The following RAD52 variants were observed in gnomAD, a reference collection of about 807,000 sequenced individuals.
RAD52 encodes the protein RAD52 DNA repair protein.
Under a neutral mutation model 55.5 loss-of-function variants are expected in RAD52, and 47 were observed. The observed-to-expected ratio is 0.85, with a 90% CI of 0.67 to 1.08. The LOEUF (loss-of-function observed/expected upper bound fraction) is 1.08. Among genes scored for constraint, RAD52 ranks in the 50% least tolerant of loss-of-function variants. The pLI, the probability that RAD52 is intolerant of heterozygous loss-of-function variation, is 0.00. For missense variants in RAD52, 468 were observed against 522.8 expected, an observed-to-expected ratio of 0.90 and a Z score of 1.02; for synonymous variants, 184 against 198.9, an observed-to-expected ratio of 0.92 and a Z score of 0.63.
chr12:945,674 G>T (rs1272133354), intron 1 of RAD52, among the ~76,000 whole-genome samples: 1 of 150,762 alleles, frequency 6.6e-6, no homozygotes, highest in Non-Finnish European at 1.5e-5. Context: ...GACCTCAGGT[G>T]ATCTGCCCAC....
At chr12:959,894 C>T (rs905215228) in intron 1 of RAD52, among the ~76,000 whole-genome samples, 5 of 152,152 alleles carry the variant, frequency 3.3e-5, no homozygotes, top group African/African-American at 1.2e-4. Context: ...ACCCATGGCC[C>T]TGAAGCTGTT....
At chr12:960,304 T>C (rs1402637549) in intron 1 of RAD52, among the ~76,000 whole-genome samples, 6 of 152,126 alleles carry the variant, frequency 3.9e-5, no homozygotes, top group African/African-American at 1.4e-4. Flanking sequence ...AGAGAATCTA[T>C]AGAGGATCCA....
At chr12:963,643 TG>T (rs1400699850) in intron 1 of RAD52, among the ~76,000 whole-genome samples, 1 of 152,140 alleles carries the variant, frequency 6.6e-6, no homozygotes, top group Non-Finnish European at 1.5e-5. Flanking sequence ...AAATTTTTGT[TG>T]ATACTATAAA....
Position 932,818 on chromosome 12 carries a change from C to CCGCGTCA in RAD52, c.84+156_84+157insTGACGCG, listed in dbSNP as rs1565673025. Among the ~76,000 whole-genome samples, 250 of 68,436 alleles carry CCGCGTCA rather than the reference C, an allele frequency of 3.7e-3. 2 individuals are homozygous for CCGCGTCA. Among genetic ancestry groups the CCGCGTCA allele is most frequent in the Admixed American group, 4.4e-3 (29 of 6,576 alleles). The allele number at this position is 68,436 out of a possible 152,430, so 44.9% of individuals were successfully genotyped here. A position where few individuals can be genotyped will look rare whatever the true frequency, so the allele number is the denominator to read the frequency against. On this transcript the variant is annotated intron_variant, in intron 2 of 11. Coordinates refer to ENST00000358495, the MANE Select transcript of RAD52 (RefSeq NM_134424.4). ...GTCAACGTACTAGGTACTGCTCACA[C>CCGCGTCA]ACGTACTAGGTAAACGTACTAGGTA...
At chr12:938,828 AAT>A (rs1337965810) in intron 1 of RAD52, among the ~76,000 whole-genome samples, 1 of 152,164 alleles carries the variant, frequency 6.6e-6, no homozygotes, top group Non-Finnish European at 1.5e-5. Context: ...TGATGGGATG[AAT>A]ATGAGACTGC....
upstream of RAD52, among the ~76,000 whole-genome samples, chr12:954,556 C>G (rs1019046432): frequency 1.3e-5 from 2 of 152,198 alleles, no homozygotes; most frequent in Non-Finnish European, 2.9e-5. Flanking sequence ...CTTGCTTGAA[C>G]CCGGGTGGTG....
intron 1 of RAD52, among the ~76,000 whole-genome samples, chr12:934,331 T>C (rs1957497353): frequency 6.6e-6 from 1 of 151,546 alleles, no homozygotes; most frequent in Non-Finnish European, 1.5e-5. Flanking sequence ...GGTGTGGTAG[T>C]GCGAGCCTGT....
Position 939,618 on chromosome 12 carries a change from A to G in RAD52, c.-18-6542T>C, listed in dbSNP as rs115864075. On this transcript the variant is annotated intron_variant, in intron 1 of 11. Transcript: ENST00000358495. ...AAACAAAGAAAATCACCAACGTCTC[A>G]TATCTTCAACATACTTAGAAGACTG... is the stretch of plus-strand genomic sequence containing the variant. Among the ~76,000 whole-genome samples, 476 of 152,376 alleles carry G rather than the reference A, an allele frequency of 3.1e-3. 2 individuals carry two copies. The highest frequency in any genetic ancestry group is 0.011 in the African/African-American group (464 of 41,592).
In RAD52 at chr12:913,377, G is replaced by T. The variant is rs746551852; in HGVS notation, c.*14C>A. On this transcript the variant is annotated 3_prime_UTR_variant, in exon 12 of 12. Transcript: ENST00000358495. ...CCTTTGTGACAGAGTCCAATTATGTGGCCTGAGCCTCAGTTAAGATGGATC... is the reference window on the plus strand; with the variant it reads ...CCTTTGTGACAGAGTCCAATTATGTTGCCTGAGCCTCAGTTAAGATGGATC... 2.5e-6 allele frequency: 4 copies of T among 1,582,044 alleles called. No homozygotes were observed. The East Asian group carries it at 9.0e-5, about 35-fold the overall frequency.
At chr12:932,270 G>A (rs1408241746) in intron 2 of RAD52, among the ~76,000 whole-genome samples, 4 of 152,136 alleles carry the variant, frequency 2.6e-5, no homozygotes, top group African/African-American at 4.8e-5. Context: ...CGAGGCAGGC[G>A]GATCACCTGA....
chr12:978,270 G>T (rs925276015), intron 1 of RAD52, among the ~76,000 whole-genome samples: 1 of 151,640 alleles, frequency 6.6e-6, no homozygotes, highest in African/African-American at 2.4e-5. Context: ...GGTCAGGCTG[G>T]TCTCGAACTC....
chr12:938,638 A>G (rs1026410698), intron 1 of RAD52, among the ~76,000 whole-genome samples: 8 of 152,194 alleles, frequency 5.3e-5, no homozygotes, highest in Admixed American at 5.2e-4. Context: ...AGCCAAGATC[A>G]TGCCACTGCA....
At chr12:918,914 A>T (rs1956554973) in intron 7 of RAD52, among the ~76,000 whole-genome samples, 1 of 152,152 alleles carries the variant, frequency 6.6e-6, no homozygotes, top group Admixed American at 6.5e-5. Context: ...GTTCTTTTTC[A>T]TACTTCGGTC....
At chr12:916,073 C>A in intron 9 of RAD52, 1 of 934,318 alleles carries the variant, frequency 1.1e-6, no homozygotes, top group East Asian at 4.3e-5. Context: ...AGTTCTTTAC[C>A]CTGAAATTTC....
At chr12:932,857 TACTAGGTAAACGTACTAGGTACTGCTC>T (rs1565673293) in intron 2 of RAD52, 91 bp downstream of exon 2, 1 of 685,746 alleles carries the variant, frequency 1.5e-6, no homozygotes, top group Non-Finnish European at 2.6e-6. Flanking sequence ...CTCACACACG[TACTAGGTAAACGTACTAGGTACTGCTC>T]ACACATGTAC....
upstream of RAD52, among the ~76,000 whole-genome samples, chr12:952,287 A>G (rs1427872407): frequency 1.3e-5 from 2 of 151,958 alleles, no homozygotes; most frequent in Non-Finnish European, 2.9e-5. Context: ...TTTTTTAGAG[A>G]GGGGTTCTTA....
chr12:918,511 C>A (rs971816636), intron 7 of RAD52, among the ~76,000 whole-genome samples: 3 of 152,142 alleles, frequency 2.0e-5, no homozygotes, highest in African/African-American at 7.2e-5. Flanking sequence ...ATTCTCCCAG[C>A]CCAGCCTCCC....
chr12:938,055 G>A (rs565827454), intron 1 of RAD52, among the ~76,000 whole-genome samples: 2 of 152,070 alleles, frequency 1.3e-5, no homozygotes, highest in South Asian at 2.1e-4. Flanking sequence ...TCCCTTCCCC[G>A]CTCCTCTACT....
In RAD52 at chr12:918,668, T is replaced by TTCCCAC. The variant is rs1307328218; in HGVS notation, c.544-1849_544-1848insGTGGGA. On this transcript the variant is annotated intron_variant, in intron 7 of 11. Coordinates refer to ENST00000358495, the MANE Select transcript of RAD52 (RefSeq NM_134424.4). ...CAAGCAATCCTTCTTCCTTGGCCTC[T>TTCCCAC]CAAGTGGTGGGATTACAGGAGTGAG... 1.1e-4 allele frequency among the ~76,000 whole-genome samples: 16 copies of TTCCCAC among 152,276 alleles called. No individual in the cohort carries two copies. The East Asian group carries it at 3.1e-3, about 29-fold the overall frequency.
Sources: gnomAD v4.1 joint callset for allele counts (sites outside exome capture counted in the v4.1 genomes callset) on GRCh38, gnomAD v4.1.1 for gene constraint, MANE v1.5 for transcripts, NCBI Gene and HGNC (gene_info 2026-07-23, HGNC 2026-07-21) for gene names.